Variants in LRMDA observed in about 807,000 individuals in gnomAD.
The protein encoded by LRMDA is leucine rich melanocyte differentiation associated.
In LRMDA, 18 loss-of-function variants were observed where a neutral mutation model predicts 29.8. The ratio of observed to expected loss-of-function variants is 0.60; its 90% CI spans 0.42 to 0.90. LRMDA has a LOEUF of 0.90. Among genes scored for constraint, LRMDA ranks in the 40% least tolerant of loss-of-function variants. The probability of loss-of-function intolerance (pLI) is 0.00; values close to 1 mark genes in which losing one functional copy is unlikely to be tolerated. For synonymous variants in LRMDA, 125 were observed against 109.4 expected (o/e 1.14, Z -0.89); for missense variants, 273 against 273.9 (o/e 1.00, Z 0.02).
chr10:75,810,336 C>T (rs894322015), intron 2 of LRMDA, among the ~76,000 whole-genome samples: 38 of 152,160 alleles, frequency 2.5e-4, no homozygotes, highest in African/African-American at 8.9e-4. Flanking sequence ...GGGTAGGTAG[C>T]AGGAGCGAAA....
chr10:75,435,889 A>G (rs921602758), intron 1 of LRMDA, among the ~76,000 whole-genome samples: 2 of 152,236 alleles, frequency 1.3e-5, no homozygotes, highest in South Asian at 2.1e-4. Flanking sequence ...AAGCCAAAAC[A>G]TGATGATAGA....
intron 5 of LRMDA, among the ~76,000 whole-genome samples, chr10:76,153,113 A>G (rs1171079721): frequency 1.3e-5 from 2 of 152,192 alleles, no homozygotes; most frequent in African/African-American, 4.8e-5. Context: ...TGCTGGGATT[A>G]CAGGCATGAG....
intron 2 of LRMDA, among the ~76,000 whole-genome samples, chr10:75,442,412 A>C (rs1844336968): frequency 6.6e-6 from 1 of 152,214 alleles, no homozygotes; most frequent in Admixed American, 6.5e-5. Flanking sequence ...TGATCTGAGA[A>C]AAGGGATCAA....
intron 2 of LRMDA, among the ~76,000 whole-genome samples, chr10:76,027,987 C>A (rs374512550): frequency 6.6e-6 from 1 of 152,138 alleles, no homozygotes; most frequent in African/African-American, 2.4e-5. Flanking sequence ...CTATAGTGAA[C>A]ATACTTGTAC....
intron 2 of LRMDA, among the ~76,000 whole-genome samples, chr10:75,684,152 G>A (rs1039542570): frequency 6.6e-6 from 1 of 152,314 alleles, no homozygotes; most frequent in East Asian, 1.9e-4. Flanking sequence ...AGCAGTGTGA[G>A]GCATTATCAA....
chr10:76,070,623 G>A (rs530813839), intron 5 of LRMDA, among the ~76,000 whole-genome samples: 14 of 152,350 alleles, frequency 9.2e-5, no homozygotes, highest in Middle Eastern at 3.4e-3. Context: ...TTGGGGGTAC[G>A]CATTCAGTCC....
intron 5 of LRMDA, among the ~76,000 whole-genome samples, chr10:76,061,531 A>G (rs1194198866): frequency 6.6e-6 from 1 of 152,252 alleles, no homozygotes; most frequent in South Asian, 2.1e-4. Flanking sequence ...AAAAGTTTAA[A>G]AAAATACCTG....
intron 5 of LRMDA, among the ~76,000 whole-genome samples, chr10:76,134,186 G>C (rs530472161): frequency 6.6e-6 from 1 of 152,366 alleles, no homozygotes; most frequent in Non-Finnish European, 1.5e-5. Flanking sequence ...ATCACGGCCC[G>C]TGGATCCAGT....
intron 2 of LRMDA, among the ~76,000 whole-genome samples, chr10:75,702,485 T>G (rs1842320649): frequency 6.6e-6 from 1 of 152,054 alleles, no homozygotes; most frequent in Non-Finnish European, 1.5e-5. Flanking sequence ...GGGTATTGGG[T>G]CTCCTTTCTT....
chr10:75,999,382 A>G (rs1251720124), intron 2 of LRMDA, among the ~76,000 whole-genome samples: 1 of 152,228 alleles, frequency 6.6e-6, no homozygotes, highest in African/African-American at 2.4e-5. Context: ...CTTTGTCATA[A>G]TGGAGGAAGA....
intron 2 of LRMDA, among the ~76,000 whole-genome samples, chr10:75,781,614 G>A (rs147121492): frequency 1.1e-3 from 175 of 152,244 alleles, no homozygotes; most frequent in African/African-American, 3.9e-3. Flanking sequence ...TGAGGGAAGC[G>A]AGGCTATAAC....
chr10:75,611,116 G>A (rs1841026174), intron 2 of LRMDA, among the ~76,000 whole-genome samples: 1 of 152,146 alleles, frequency 6.6e-6, no homozygotes, highest in Non-Finnish European at 1.5e-5. Context: ...GAGGGGCAAG[G>A]ACCCCTAGAG....
intron 2 of LRMDA, chr10:75,451,430 A>G (rs1356053056): frequency 6.6e-6 from 1 of 152,218 alleles, no homozygotes; most frequent in Non-Finnish European, 1.5e-5. Flanking sequence ...CTGTGGGTAC[A>G]TCGCGTGCTC....
At chr10:75,742,819 G>C (rs902529789) in intron 2 of LRMDA, 2 of 152,228 alleles carry the variant, frequency 1.3e-5, no homozygotes, top group Non-Finnish European at 2.9e-5. Context: ...ATTTCTGGTG[G>C]TTGGCATGGG....
At chr10:76,033,614 C>T (rs1249930839) in intron 2 of LRMDA, among the ~76,000 whole-genome samples, 1 of 152,132 alleles carries the variant, frequency 6.6e-6, no homozygotes, top group East Asian at 1.9e-4. Flanking sequence ...TGATTCTCAT[C>T]AGAAGAATCT....
chr10:75,659,470 A>G (rs1001457557), intron 2 of LRMDA, among the ~76,000 whole-genome samples: 10 of 152,182 alleles, frequency 6.6e-5, no homozygotes, highest in African/African-American at 2.4e-4. Context: ...ACATTGTGAA[A>G]TGATTGGAGA....
intron 6 of LRMDA, among the ~76,000 whole-genome samples, chr10:76,550,505 G>T (rs1043463972): frequency 1.5e-5 from 2 of 136,116 alleles, no homozygotes; most frequent in African/African-American, 5.6e-5. Context: ...CCCCCATGGT[G>T]CAAGAGCCCT....
At chr10:75,987,079 TAA>T (rs1847274098) in intron 2 of LRMDA, among the ~76,000 whole-genome samples, 1 of 152,318 alleles carries the variant, frequency 6.6e-6, no homozygotes, top group African/African-American at 2.4e-5. Flanking sequence ...TTTTTTTTTT[TAA>T]GAGAGCAGCC....
chr10:76,256,783 G>T (rs1207167042), intron 5 of LRMDA, among the ~76,000 whole-genome samples: 1 of 152,038 alleles, frequency 6.6e-6, no homozygotes, highest in Non-Finnish European at 1.5e-5. Context: ...ATTCTATATG[G>T]AGTTACTCTG....
Sources: gnomAD v4.1 joint callset for allele counts (sites outside exome capture counted in the v4.1 genomes callset) on GRCh38, gnomAD v4.1.1 for gene constraint, MANE v1.5 for transcripts, NCBI Gene and HGNC (gene_info 2026-07-23, HGNC 2026-07-21) for gene names.